Variants in GRAMD2B observed in about 807,000 individuals in gnomAD.
The protein encoded by GRAMD2B is GRAM domain-containing protein 2B.
Under a neutral mutation model 59.2 loss-of-function variants are expected in GRAMD2B, and 41 were observed. That is an observed-to-expected ratio of 0.69 (90% CI 0.54 to 0.90). The LOEUF (loss-of-function observed/expected upper bound fraction) is 0.90, where lower values mean the gene tolerates loss of function less well. Ranked by LOEUF, GRAMD2B falls within the 40% of genes least tolerant of loss-of-function variation. The pLI is 0.00. For missense variants in GRAMD2B, 424 were observed against 500.5 expected, an observed-to-expected ratio of 0.85 and a Z score of 1.46; for synonymous variants, 161 against 182.7, an observed-to-expected ratio of 0.88 and a Z score of 0.96.
upstream of GRAMD2B, among the ~76,000 whole-genome samples, chr5:126,422,095 CAATGT>C (rs1317987905): frequency 6.6e-6 from 1 of 152,088 alleles, no homozygotes; most frequent in African/African-American, 2.4e-5. Context: ...TATAACAAGT[CAATGT>C]TTATACAAGC....
chr5:126,459,771 C>T (rs1766999054), intron 1 of GRAMD2B, among the ~76,000 whole-genome samples: 1 of 152,096 alleles, frequency 6.6e-6, no homozygotes, highest in African/African-American at 2.4e-5. Flanking sequence ...CTAGGTACTT[C>T]AAAATATAAA....
upstream of GRAMD2B, among the ~76,000 whole-genome samples, chr5:126,369,845 G>GT (rs1452578829): frequency 6.6e-6 from 1 of 152,214 alleles, no homozygotes; most frequent in Non-Finnish European, 1.5e-5. Context: ...ATCTGTGCCA[G>GT]TAAGAGTTGT....
In GRAMD2B at chr5:126,463,996, C is replaced by G. The variant is rs932698583; in HGVS notation, c.84-1430C>G. ...TGAGCCGAGATCGTGCCACTGCACT[C>G]CAGCCTGGGCAACCAGAGTGAAACT... On this transcript the variant is annotated intron_variant, in intron 1 of 13. Transcript: ENST00000285689. Among the ~76,000 whole-genome samples the G allele has an allele frequency of 4.6e-5, 7 of 152,018 alleles. No homozygotes were observed. In the South Asian group the frequency reaches 8.3e-4, roughly 18 times the overall value.
At chr5:126,478,273 A>G (rs1304318116) in intron 6 of GRAMD2B, among the ~76,000 whole-genome samples, 1 of 151,218 alleles carries the variant, frequency 6.6e-6, no homozygotes, top group East Asian at 2.0e-4. Flanking sequence ...CCCCGTCTCT[A>G]CAAAAAATAT....
intron 1 of GRAMD2B, among the ~76,000 whole-genome samples, chr5:126,441,825 G>T (rs1361003668): frequency 6.6e-6 from 1 of 152,024 alleles, no homozygotes; most frequent in African/African-American, 2.4e-5. Flanking sequence ...TGAATTGCAG[G>T]CATTTCAATG....
intron 1 of GRAMD2B, among the ~76,000 whole-genome samples, chr5:126,444,782 C>A (rs10052758): frequency 0.086 from 13,077 of 152,188 alleles, 1,723 homozygotes; most frequent in African/African-American, 0.29. Flanking sequence ...TGGTTTGCTG[C>A]ACAGATCAAC....
intron 8 of GRAMD2B, among the ~76,000 whole-genome samples, chr5:126,481,970 C>CAAAAA (rs34641412): frequency 1.0e-5 from 1 of 98,130 alleles, no homozygotes. Context: ...GACTCCATCT[C>CAAAAA]AAAAAAAAAA....
At chr5:126,466,114 A>G (rs1432608014) in intron 2 of GRAMD2B, among the ~76,000 whole-genome samples, 1 of 152,212 alleles carries the variant, frequency 6.6e-6, no homozygotes, top group South Asian at 2.1e-4. Context: ...TGGGGCACTT[A>G]AAAGATAGCG....
intron 10 of GRAMD2B, among the ~76,000 whole-genome samples, chr5:126,485,298 C>A (rs974684127): frequency 6.6e-6 from 1 of 152,118 alleles, no homozygotes; most frequent in Non-Finnish European, 1.5e-5. Context: ...CTGCAATGAG[C>A]TGTGATCACG....
At chr5:126,369,914 G>C (rs779788338), upstream of GRAMD2B, among the ~76,000 whole-genome samples, 1 of 152,200 alleles carries the variant, frequency 6.6e-6, no homozygotes, top group Non-Finnish European at 1.5e-5. Flanking sequence ...ATGAGGCATG[G>C]TGACTGGTTT....
chr5:126,383,153 T>C (rs947050637), intron 1 of GRAMD2B, among the ~76,000 whole-genome samples: 1 of 152,244 alleles, frequency 6.6e-6, no homozygotes, highest in African/African-American at 2.4e-5. Flanking sequence ...TTAAATTTCA[T>C]GGACATTTAT....
intron 3 of GRAMD2B, 64 bp downstream of exon 3, chr5:126,469,852 G>A: frequency 1.7e-6 from 2 of 1,155,388 alleles, no homozygotes. Context: ...CCAGTGACAA[G>A]AAGGAACCCA....
intron 1 of GRAMD2B, among the ~76,000 whole-genome samples, chr5:126,432,775 G>A (rs115696092): frequency 6.6e-6 from 1 of 152,100 alleles, no homozygotes; most frequent in Non-Finnish European, 1.5e-5. Context: ...TGTGAAGTTG[G>A]TAGATTTCTT....
At chr5:126,388,622 A>T (rs1580741972) in intron 1 of GRAMD2B, among the ~76,000 whole-genome samples, 2 of 151,814 alleles carry the variant, frequency 1.3e-5, no homozygotes, top group East Asian at 3.9e-4. Flanking sequence ...CATTTTTGGG[A>T]ATATTCATCT....
chr5:126,428,439 CAG>C (rs1179662447), intron 1 of GRAMD2B, among the ~76,000 whole-genome samples: 1 of 151,820 alleles, frequency 6.6e-6, no homozygotes, highest in Non-Finnish European at 1.5e-5. Context: ...GAAAAATAAA[CAG>C]TGTGTGTTCT....
chr5:126,389,038 A>G lies in GRAMD2B; in HGVS notation c.125+17471A>G, dbSNP rs547444782. ...TAAAAATACAAAAAACCACAAAGTG[A>G]CTTTACTAACAATAATTCTTATTTG... is the stretch of plus-strand genomic sequence containing the variant. On this transcript the variant is annotated intron_variant, in intron 1 of 8. Transcript: ENST00000506445. Among the ~76,000 whole-genome samples the G allele has an allele frequency of 8.4e-4, 128 of 152,340 alleles. No homozygotes were observed. In the South Asian group the frequency reaches 0.026, roughly 31 times the overall value.
At chr5:126,362,164 C>T (rs559619329) in intron 1 of GRAMD2B, among the ~76,000 whole-genome samples, 6 of 152,284 alleles carry the variant, frequency 3.9e-5, no homozygotes, top group South Asian at 4.1e-4. Context: ...ACCTGACTCA[C>T]GTGTTAAAAG....
At chr5:126,398,509 G>A (rs1268797886) in intron 1 of GRAMD2B, among the ~76,000 whole-genome samples, 1 of 151,832 alleles carries the variant, frequency 6.6e-6, no homozygotes, top group African/African-American at 2.4e-5. Flanking sequence ...TGAGTCTTCT[G>A]TCTTTTTTCT....
At chr5:126,429,439 T>G (rs540982204) in intron 1 of GRAMD2B, among the ~76,000 whole-genome samples, 13 of 151,838 alleles carry the variant, frequency 8.6e-5, no homozygotes, top group Admixed American at 6.6e-4. Flanking sequence ...GGGTACTAGG[T>G]TTAATACCTG....
Sources: allele counts gnomAD v4.1 joint callset (sites outside exome capture counted in the v4.1 genomes callset), GRCh38; gene constraint gnomAD v4.1.1; transcripts MANE v1.5; gene names NCBI Gene and HGNC (gene_info 2026-07-23, HGNC 2026-07-21).